The following FRMD4B variants were observed in gnomAD, a reference collection of about 807,000 sequenced individuals.
FRMD4B encodes the protein FERM domain-containing protein 4B.
A neutral mutation model predicts 141.5 loss-of-function variants in FRMD4B; 74 were observed. The observed-to-expected ratio is 0.52, with a 90% CI of 0.43 to 0.63. The LOEUF (loss-of-function observed/expected upper bound fraction) is 0.63. Ranked by LOEUF, FRMD4B falls within the 30% of genes least tolerant of loss-of-function variation. The pLI is 0.00. For synonymous variants in FRMD4B, 506 were observed against 467.9 expected, an observed-to-expected ratio of 1.08 and a Z score of -1.05; for missense variants, 1,366 against 1,253.4, an observed-to-expected ratio of 1.09 and a Z score of -1.36.
chr3:69,495,170 T>TA (rs1214240491), intron 1 of FRMD4B, among the ~76,000 whole-genome samples: 3 of 152,124 alleles, frequency 2.0e-5, no homozygotes, highest in African/African-American at 7.2e-5. Flanking sequence ...ACAACCCCAC[T>TA]AAGGACACAC....
At chr3:69,471,754 C>G (rs1412345533) in intron 1 of FRMD4B, 1 of 155,834 alleles carries the variant, frequency 6.4e-6, no homozygotes, top group African/African-American at 2.4e-5. Context: ...AAATTGTGGT[C>G]ATTTCACCAT....
intron 1 of FRMD4B, among the ~76,000 whole-genome samples, chr3:69,507,081 G>C (rs916232880): frequency 6.6e-6 from 1 of 152,270 alleles, no homozygotes; most frequent in African/African-American, 2.4e-5. Context: ...GAAGCCCCAA[G>C]ATGGGCGAAG....
chr3:69,359,694 G>A (rs1159006367), intron 1 of FRMD4B, among the ~76,000 whole-genome samples: 1 of 152,190 alleles, frequency 6.6e-6, no homozygotes, highest in Non-Finnish European at 1.5e-5. Flanking sequence ...AGGGAGAGAA[G>A]CAGGCATGAT....
intron 1 of FRMD4B, among the ~76,000 whole-genome samples, chr3:69,534,421 T>C (rs967971286): frequency 6.6e-6 from 1 of 152,354 alleles, no homozygotes; most frequent in Admixed American, 6.5e-5. Context: ...AATTAACTCA[T>C]GTACCACCAG....
chr3:69,354,704 C>G (rs1703262366), intron 1 of FRMD4B, among the ~76,000 whole-genome samples: 1 of 152,088 alleles, frequency 6.6e-6, no homozygotes, highest in Non-Finnish European at 1.5e-5. Context: ...GGGTACCTCC[C>G]TTTACCCCCA....
At chr3:69,287,403 G>A (rs143188153) in intron 5 of FRMD4B, among the ~76,000 whole-genome samples, 315 of 152,270 alleles carry the variant, frequency 2.1e-3, no homozygotes, top group African/African-American at 7.3e-3. Context: ...TAAGTGTAGG[G>A]CATACCTTAT....
At chr3:69,290,928 A>G (rs145798227) in intron 4 of FRMD4B, among the ~76,000 whole-genome samples, 133 of 152,328 alleles carry the variant, frequency 8.7e-4, no homozygotes, top group African/African-American at 3.0e-3. Context: ...AGGAAGCTGA[A>G]CCCTTAGTAA....
chr3:69,331,706 G>A (rs1173582951), intron 1 of FRMD4B, among the ~76,000 whole-genome samples: 1 of 152,052 alleles, frequency 6.6e-6, no homozygotes, highest in Non-Finnish European at 1.5e-5. Flanking sequence ...GCTCACATGA[G>A]ATAAGATGTA....
At chr3:69,438,801 T>C (rs1326679141) in intron 1 of FRMD4B, among the ~76,000 whole-genome samples, 1 of 152,146 alleles carries the variant, frequency 6.6e-6, no homozygotes, top group Non-Finnish European at 1.5e-5. Context: ...ATTCACTGTA[T>C]ATTCAGCAGC....
intron 3 of FRMD4B, among the ~76,000 whole-genome samples, chr3:69,304,622 A>T (rs1008270521): frequency 2.6e-5 from 4 of 152,140 alleles, no homozygotes; most frequent in Admixed American, 6.5e-5. Context: ...AAGTTCATAA[A>T]CAGTTCTCTC....
At chr3:69,383,866 T>C (rs1410822715) in intron 1 of FRMD4B, among the ~76,000 whole-genome samples, 12 of 152,236 alleles carry the variant, frequency 7.9e-5, no homozygotes, top group Admixed American at 7.2e-4. Context: ...AACCGTTATC[T>C]TTTCTTCGTG....
At position 69,277,375 on chromosome 3, in the gene FRMD4B, G is replaced by C. The variant is rs75995842; in HGVS notation, c.501+10377C>G. ...TAATTCCAAAGATGTTTTATTTAAA[G>C]AATCAAAATAAACCTAGGTTTTATC... is the stretch of plus-strand genomic sequence containing the variant. On this transcript the variant is annotated intron_variant, in intron 5 of 22. Transcript: ENST00000398540. 9.0e-3 allele frequency among the ~76,000 whole-genome samples: 1,370 copies of C among 152,120 alleles called. 32 individuals carry two copies. Among genetic ancestry groups the C allele is most frequent in the African/African-American group, 0.032 (1,324 of 41,496 alleles).
intron 2 of FRMD4B, among the ~76,000 whole-genome samples, chr3:69,396,156 G>A (rs933179978): frequency 1.2e-4 from 18 of 152,082 alleles, no homozygotes; most frequent in East Asian, 9.6e-4. Flanking sequence ...TGATCTAAGG[G>A]AAGGCACAAC....
intron 1 of FRMD4B, among the ~76,000 whole-genome samples, chr3:69,498,892 A>G (rs1706448513): frequency 6.6e-6 from 1 of 152,246 alleles, no homozygotes; most frequent in African/African-American, 2.4e-5. Flanking sequence ...AATATCATCT[A>G]ATAAATTTCC....
rs539532317 is a variant in FRMD4B at position 69,307,134 on chromosome 3, G to A, written c.323+4129C>T. The stretch of plus-strand genomic sequence containing the variant: ...TCATAATTCAAAAAGAGACTCTGCC[G>A]TCACTTGCCGGGGAGTGCACAGAGG... On this transcript the variant is annotated intron_variant, in intron 3 of 22. Coordinates refer to ENST00000398540, the MANE Select transcript of FRMD4B (RefSeq NM_015123.3). Among the ~76,000 whole-genome samples, 4 of 152,112 alleles carry A rather than the reference G, an allele frequency of 2.6e-5. No individual in the cohort carries two copies. In the East Asian group the frequency reaches 7.7e-4, roughly 29 times the overall value.
intron 1 of FRMD4B, among the ~76,000 whole-genome samples, chr3:69,329,386 G>A (rs190432815): frequency 5.9e-5 from 9 of 152,062 alleles, no homozygotes; most frequent in Admixed American, 2.6e-4. Flanking sequence ...GTCTCATTCC[G>A]TCACCCAGGC....
At chr3:69,216,581 C>A (rs1055633150) in intron 10 of FRMD4B, among the ~76,000 whole-genome samples, 5 of 151,906 alleles carry the variant, frequency 3.3e-5, no homozygotes, top group African/African-American at 9.7e-5. Context: ...CAGGTGTGCA[C>A]CACCATGCCT....
chr3:69,216,161 A>G, intron 11 of FRMD4B, 102 bp downstream of exon 11: 2 of 667,580 alleles, frequency 3.0e-6, no homozygotes. Context: ...CTCAAAAAAA[A>G]CCAAAAAAAC....
chr3:69,283,979 A>AC (rs1553716383), intron 5 of FRMD4B, among the ~76,000 whole-genome samples: 1 of 151,824 alleles, frequency 6.6e-6, no homozygotes, highest in African/African-American at 2.4e-5. Flanking sequence ...ACAAAACAAA[A>AC]AAAACAAAAA....
Sources: gnomAD v4.1 joint callset for allele counts (sites outside exome capture counted in the v4.1 genomes callset) on GRCh38, gnomAD v4.1.1 for gene constraint, MANE v1.5 for transcripts, NCBI Gene and HGNC (gene_info 2026-07-23, HGNC 2026-07-21) for gene names.